Variants in DYNC2H1 observed in about 807,000 individuals in gnomAD.
DYNC2H1 encodes dynein cytoplasmic 2 heavy chain 1.
In DYNC2H1, 410 loss-of-function variants were observed where a neutral mutation model predicts 570.0. The ratio of observed to expected loss-of-function variants is 0.72; its 90% CI spans 0.66 to 0.78. DYNC2H1 has a LOEUF of 0.78. Ranked by LOEUF, DYNC2H1 falls within the 30% of genes least tolerant of loss-of-function variation. DYNC2H1 has a pLI of 0.00. For synonymous variants in DYNC2H1, 1,688 were observed against 1,677.6 expected, an observed-to-expected ratio of 1.01 and a Z score of -0.15; for missense variants, 4,865 against 5,046.4, an observed-to-expected ratio of 0.96 and a Z score of 1.09.
At chr11:103,424,576 AATG>A (rs1211575650) in intron 84 of DYNC2H1, among the ~76,000 whole-genome samples, 3 of 152,124 alleles carry the variant, frequency 2.0e-5, no homozygotes, top group African/African-American at 7.2e-5. Flanking sequence ...CAAGAGGTGA[AATG>A]ATAAATTTTT....
rs941362990 is a variant in DYNC2H1, at chr11:103,362,284, T to C, written c.12156+3925T>C. On this transcript the variant is annotated intron_variant, in intron 83 of 88. Coordinates refer to ENST00000375735, the MANE Select transcript of DYNC2H1 (RefSeq NM_001377.3). Reference sequence around the variant, plus strand: ...CTAAATGAGGGATCAATAATAAATATAGACATTCCTGCTTCTTAAATATAT... The same window carrying C: ...CTAAATGAGGGATCAATAATAAATACAGACATTCCTGCTTCTTAAATATAT... Among the ~76,000 whole-genome samples the C allele has an allele frequency of 1.7e-4, 25 of 150,794 alleles. 1 individual carries two copies. In the East Asian group the frequency reaches 3.7e-3, roughly 22 times the overall value.
chr11:103,189,938 G>C lies in DYNC2H1; in HGVS notation c.7437+122G>C. The C allele has an allele frequency of 9.7e-7, 1 of 1,026,550 alleles. No individual in the cohort carries two copies. The highest frequency in any genetic ancestry group is 1.4e-6 in the Non-Finnish European group (1 of 720,492). 63.6% of individuals were successfully genotyped at this position (1,026,550 alleles called of 1,614,324 possible). On this transcript the variant is annotated intron_variant, in intron 45 of 88. Coordinates refer to ENST00000375735, the MANE Select transcript of DYNC2H1 (RefSeq NM_001377.3). This position sits in a 1 kb window ranked among gnomAD's most constrained non-coding sequence, Gnocchi z 4.3. ...CTTTCCTGTTTATTAGACTTTTCTA[G>C]TAGAGAGTAACTGTGAAGACAGGTG... is the stretch of plus-strand genomic sequence containing the variant.
chr11:103,156,407 A>T lies in DYNC2H1; in HGVS notation c.3764A>T (p.Gln1255Leu). ...AAATAGGATTTAAATAGTCGGGCACAAGGTGAAGTTACAATCAGAGAAGCT... is the reference window on the plus strand; with the variant it reads ...AAATAGGATTTAAATAGTCGGGCACTAGGTGAAGTTACAATCAGAGAAGCT... ...ADLKDLNSRAQGEVTIREALR... is the reference protein window; with the variant it reads ...ADLKDLNSRALGEVTIREALR... The change falls in exon 26 of 89, where the codon CAA becomes CTA. Residue 1255 changes from glutamine (Q) to leucine (L), a missense_variant. This residue lies in a region of DYNC2H1 where 1,936 missense variants were observed against 1,962.1 expected (regional missense o/e 0.99). Transcript: ENST00000375735. The T allele has an allele frequency of 6.2e-7, 1 of 1,613,438 alleles. No individual in the cohort carries two copies. The highest frequency in any genetic ancestry group is 2.2e-5 in the East Asian group (1 of 44,844).
chr11:103,398,710 A>G (rs1015869203), intron 83 of DYNC2H1, among the ~76,000 whole-genome samples: 1 of 150,332 alleles, frequency 6.7e-6, no homozygotes, highest in Non-Finnish European at 1.5e-5. Flanking sequence ...TATTATTGAA[A>G]GTGATCTTTT....
intron 61 of DYNC2H1, 73 bp downstream of exon 61, chr11:103,234,233 G>A: frequency 1.4e-6 from 2 of 1,457,332 alleles, no homozygotes; most frequent in Admixed American, 2.4e-5. Context: ...TGTATGTTAA[G>A]AAAAAGGAGA....
intron 85 of DYNC2H1, among the ~76,000 whole-genome samples, chr11:103,452,202 A>C (rs1944630669): frequency 1.3e-5 from 2 of 152,140 alleles, no homozygotes; most frequent in Non-Finnish European, 2.9e-5. Context: ...ATAATAGGTT[A>C]AATTCTAACA....
chr11:103,383,735 A>G (rs1941762877), intron 83 of DYNC2H1, among the ~76,000 whole-genome samples: 2 of 151,928 alleles, frequency 1.3e-5, no homozygotes, highest in Non-Finnish European at 2.9e-5. Context: ...CAGCCTCCCA[A>G]AGTGCTGGGA....
intron 84 of DYNC2H1, among the ~76,000 whole-genome samples, chr11:103,425,315 A>G (rs577540553): frequency 1.3e-5 from 2 of 152,244 alleles, no homozygotes; most frequent in Admixed American, 1.3e-4. Flanking sequence ...TATTTCTTAC[A>G]GTTCTGAAGG....
At chr11:103,412,199 C>T (rs879390478) in intron 84 of DYNC2H1, among the ~76,000 whole-genome samples, 1 of 151,940 alleles carries the variant, frequency 6.6e-6, no homozygotes, top group Non-Finnish European at 1.5e-5. Flanking sequence ...TGTATGATGC[C>T]ATACGATTTA....
intron 53 of DYNC2H1, 41 bp downstream of exon 53, chr11:103,210,001 A>C (rs182338937): frequency 7.1e-7 from 1 of 1,410,302 alleles, no homozygotes; most frequent in Non-Finnish European, 9.3e-7. Flanking sequence ...GTTTTTATTT[A>C]TGAAATAATT....
rs1863061738 is a variant in DYNC2H1, at chr11:103,209,394, G to T, written c.8455-482G>T. Among the ~76,000 whole-genome samples, 1 of 151,640 alleles carries T rather than the reference G, an allele frequency of 6.6e-6. No individual in the cohort carries two copies. Among genetic ancestry groups the T allele is most frequent in the Non-Finnish European group, 1.5e-5 (1 of 67,872 alleles). ...TATTTACAGTAGTGGCAAAATTCCA[G>T]TCACAGTGAGAATATACTTTTTAGA... On this transcript the variant is annotated intron_variant, in intron 52 of 88. Coordinates refer to ENST00000375735, the MANE Select transcript of DYNC2H1 (RefSeq NM_001377.3). This position sits in a 1 kb window ranked among gnomAD's most constrained non-coding sequence, Gnocchi z 4.2.
At chr11:103,463,181 A>T (rs998914347) in intron 87 of DYNC2H1, among the ~76,000 whole-genome samples, 1 of 152,208 alleles carries the variant, frequency 6.6e-6, no homozygotes, top group African/African-American at 2.4e-5. Context: ...GGTAAAATAT[A>T]AAAAAAGGAA....
Position 103,155,325 on chromosome 11 carries a change from TAACAGA to T in DYNC2H1, c.3574-5_3574del. 1 of 1,571,894 alleles carries T rather than the reference TAACAGA, an allele frequency of 6.4e-7. No individual in the cohort carries two copies. Among genetic ancestry groups the T allele is most frequent in the African/African-American group, 1.5e-5 (1 of 68,102 alleles). On this transcript the variant is annotated splice_acceptor_variant and splice_polypyrimidine_tract_variant and coding_sequence_variant and intron_variant, in exon 25 of 89. Coordinates refer to ENST00000375735, the MANE Select transcript of DYNC2H1 (RefSeq NM_001377.3). LOFTEE classifies it high-confidence loss of function. ...TATGACTTTTTCTTTTTTTTTTTTG[TAACAGA>T]TCGTAATTCCTATCTTGAAATATGT...
chr11:103,141,919 C>CAT (rs1859961309), intron 17 of DYNC2H1, among the ~76,000 whole-genome samples: 1 of 152,192 alleles, frequency 6.6e-6, no homozygotes, highest in Non-Finnish European at 1.5e-5. Flanking sequence ...ATGGCGGGTG[C>CAT]CCCTCCCACA....
chr11:103,160,992 A>C lies in DYNC2H1; in HGVS notation c.4439A>C (p.Glu1480Ala). The C allele has an allele frequency of 6.4e-7, 1 of 1,570,844 alleles. No homozygotes were observed. The highest frequency in any genetic ancestry group is 8.6e-7 in the Non-Finnish European group (1 of 1,160,996). ...SKHITAMKSL[E>A]GEVVPFKNKV... ...CATATAACTGCAATGAAATCTTTAG[A>C]GGGAGAAGTTGTACCTTTTAAAAAT... Residue 1480 changes from glutamate to alanine, a missense_variant, in exon 29 of 89, where the codon GAG (glutamate) becomes GCG (alanine). Glu to Ala is a moderately radical substitution (Grantham distance 107, BLOSUM62 -1). Transcript: ENST00000375735.
At position 103,265,731 on chromosome 11, in the gene DYNC2H1, G is replaced by A. The variant is rs554875699; in HGVS notation, c.10695+5754G>A. Among the ~76,000 whole-genome samples, 41 of 152,346 alleles carry A rather than the reference G, an allele frequency of 2.7e-4. 1 individual carries two copies. In the South Asian group the frequency reaches 8.3e-3, roughly 31 times the overall value. On this transcript the variant is annotated intron_variant, in intron 70 of 88. Coordinates refer to ENST00000375735, the MANE Select transcript of DYNC2H1 (RefSeq NM_001377.3). ...AGGTGATGAAGTTGTTTGGAGGAAA[G>A]AAGGCACTCTGGCCTTTTGAGCTTT...
At chr11:103,409,376 G>A (rs905474728) in intron 84 of DYNC2H1, among the ~76,000 whole-genome samples, 67 of 151,316 alleles carry the variant, frequency 4.4e-4, no homozygotes, top group Admixed American at 8.0e-4. Flanking sequence ...TTAGTCCAAC[G>A]TAATGTTAGG....
chr11:103,163,028 AC>A lies in DYNC2H1; in HGVS notation c.4493del (p.Thr1498AsnfsTer3). 4 of 1,608,472 alleles carry A rather than the reference AC, an allele frequency of 2.5e-6. No individual in the cohort carries two copies. The highest frequency in any genetic ancestry group is 3.4e-6 in the Non-Finnish European group (4 of 1,176,950). ...TATTATTTTCCAATTTCTTTTTCAG[AC>A]ATGGTTGAATGATTTGGCCTTAGAA... ...NKVPLSNNVE[T>X]WLNDLALEMK... On this transcript the variant is annotated frameshift_variant and splice_region_variant, in exon 30 of 89. Transcript: ENST00000375735. LOFTEE classifies it high-confidence loss of function. This position sits in a 1 kb window ranked among gnomAD's most constrained non-coding sequence, Gnocchi z 4.6.
chr11:103,188,386 G>T, intron 43 of DYNC2H1, 111 bp from the exon 44 acceptor site: 1 of 740,266 alleles, frequency 1.4e-6, no homozygotes, highest in South Asian at 2.6e-5. Context: ...TCTTGAGTTA[G>T]ATAGATGATG....
Sources: gnomAD v4.1 joint callset for allele counts (sites outside exome capture counted in the v4.1 genomes callset) on GRCh38, gnomAD v4.1.1 for gene constraint, gnomAD v4.1.1 regional missense constraint, Gnocchi (gnomAD v3.1) non-coding constraint, MANE v1.5 for transcripts, NCBI Gene and HGNC (gene_info 2026-07-23, HGNC 2026-07-21) for gene names.